GGT5: variants seen among roughly 807,000 people sequenced by gnomAD.
GGT5 encodes glutathione hydrolase 5 proenzyme.
GGT5 carries 50 observed loss-of-function variants against 58.1 expected under a neutral mutation model. The observed-to-expected ratio is 0.86, with a 90% CI of 0.69 to 1.09. The LOEUF (loss-of-function observed/expected upper bound fraction) is 1.09, where lower values mean the gene tolerates loss of function less well. GGT5 is among the 50% of genes least tolerant of loss of function. The pLI, the probability that GGT5 is intolerant of heterozygous loss-of-function variation, is 0.00. For synonymous variants in GGT5, 370 were observed against 346.1 expected (o/e 1.07, Z -0.77); for missense variants, 800 against 789.4 (o/e 1.01, Z -0.16).
intron 5 of GGT5, among the ~76,000 whole-genome samples, 172 bp from the exon 6 acceptor site, chr22:24,231,702 G>A (rs1207737854): frequency 1.3e-5 from 2 of 152,184 alleles, no homozygotes; most frequent in Non-Finnish European, 2.9e-5. Flanking sequence ...GGGGCCAGGC[G>A]TGGAGGGGTG....
At chr22:24,237,439 C>T (rs13056182) in intron 1 of GGT5, among the ~76,000 whole-genome samples, 6,780 of 152,228 alleles carry the variant, frequency 0.045, 206 homozygotes, top group South Asian at 0.083. Flanking sequence ...GACAGCATCT[C>T]ACTCTGTTGT....
intron 11 of GGT5, among the ~76,000 whole-genome samples, chr22:24,223,478 A>G (rs1414210396): frequency 6.6e-6 from 1 of 152,194 alleles, no homozygotes; most frequent in Non-Finnish European, 1.5e-5. Context: ...TCCATATCTA[A>G]GATCCCTGGA....
intron 6 of GGT5, among the ~76,000 whole-genome samples, chr22:24,228,400 C>A (rs146664662): frequency 5.1e-4 from 77 of 151,496 alleles, no homozygotes; most frequent in Non-Finnish European, 8.4e-4. Context: ...TCCAGTGCCA[C>A]CCTTATCACT....
chr22:24,228,048 C>CAAA lies in GGT5; in HGVS notation c.902-1284_902-1282dup, dbSNP rs1273239063. Reference sequence around the variant, plus strand: ...TAGTAAACAGAGCAAGACTCTGTCTCAAAAAAAAAAAAAAAAAACAAAACA... The same window carrying CAAA: ...TAGTAAACAGAGCAAGACTCTGTCTCAAAAAAAAAAAAAAAAAAAAACAAAACA... On this transcript the variant is annotated intron_variant, in intron 6 of 11. Coordinates refer to ENST00000327365, the MANE Select transcript of GGT5 (RefSeq NM_004121.5). 3.9e-3 allele frequency among the ~76,000 whole-genome samples: 86 copies of CAAA among 22,002 alleles called. 7 individuals are homozygous for CAAA. Among genetic ancestry groups the CAAA allele is most frequent in the African/African-American group, 0.011 (70 of 6,584 alleles). 14.4% of individuals were successfully genotyped at this position (22,002 alleles called of 152,430 possible). A position where few individuals can be genotyped will look rare whatever the true frequency, so the allele number is the denominator to read the frequency against.
At chr22:24,223,693 C>T (rs946520727) in intron 11 of GGT5, among the ~76,000 whole-genome samples, 1 of 150,988 alleles carries the variant, frequency 6.6e-6, no homozygotes, top group Non-Finnish European at 1.5e-5. Context: ...GACTTGAGAC[C>T]GAAGAAGTCT....
intron 1 of GGT5, among the ~76,000 whole-genome samples, chr22:24,240,015 G>A (rs571075941): frequency 3.3e-5 from 5 of 152,326 alleles, no homozygotes; most frequent in South Asian, 2.1e-4. Context: ...GAACCCAAGA[G>A]GTGGAGGTTG....
intron 1 of GGT5, among the ~76,000 whole-genome samples, chr22:24,238,975 T>G (rs2048253330): frequency 1.1e-5 from 1 of 89,006 alleles, no homozygotes; most frequent in African/African-American, 4.4e-5. Flanking sequence ...ATATAGCCCA[T>G]GACACAGTCC....
chr22:24,230,416 C>T (rs1049369474), intron 6 of GGT5, among the ~76,000 whole-genome samples: 5 of 147,618 alleles, frequency 3.4e-5, no homozygotes, highest in South Asian at 2.2e-4. Flanking sequence ...AAATCAGCGG[C>T]GTGTGGTGGC....
chr22:24,220,092 G>A lies in GGT5; in HGVS notation c.1639C>T (p.Arg547Cys), dbSNP rs141594970. The change falls in exon 12 of 12, where the codon CGT becomes TGT. Residue 547 changes from arginine to cysteine, a missense_variant. Coordinates refer to ENST00000327365, the MANE Select transcript of GGT5 (RefSeq NM_004121.5). ...GGCCTCTGGGTCTGGTTCTGGCCAC[G>A]GTCTTGGAGTCCCCTCTGCACCTCC... ...SQEVQRGLQDRGQNQTQRPFF... is the reference protein window; with the variant it reads ...SQEVQRGLQDCGQNQTQRPFF... 59 of 1,614,178 alleles carry A rather than the reference G, an allele frequency of 3.7e-5. No homozygotes were observed. The highest frequency in any genetic ancestry group is 8.9e-5 in the East Asian group (4 of 44,888).
chr22:24,232,882 G>A lies in GGT5; in HGVS notation c.537C>T (p.Val179=), dbSNP rs748882696. 6.3e-7 allele frequency: 1 copy of A among 1,585,040 alleles called. No individual in the cohort carries two copies. The highest frequency in any genetic ancestry group is 8.6e-7 in the Non-Finnish European group (1 of 1,164,798). The part of the protein sequence containing the change: ...LLRGGHVVAP[V]LSRFLHNSIL... ...TGCTGTTGTGCAGGAAACGGCTGAG[G>A]ACAGGGGCCACCACATGCCCCCCTC... The change falls in exon 4 of 12, where the codon GTC becomes GTT. Residue 179 remains valine (V), a synonymous_variant. Coordinates refer to ENST00000327365, the MANE Select transcript of GGT5 (RefSeq NM_004121.5).
At chr22:24,240,394 A>T (rs2048295897) in intron 1 of GGT5, among the ~76,000 whole-genome samples, 3 of 152,222 alleles carry the variant, frequency 2.0e-5, no homozygotes, top group Non-Finnish European at 2.9e-5. Context: ...AGTAATTGGA[A>T]ATAAAGTAAA....
chr22:24,239,066 G>A lies in GGT5; in HGVS notation c.174-5062C>T, dbSNP rs7290701. Among the ~76,000 whole-genome samples the A allele has an allele frequency of 4.8e-3, 694 of 144,160 alleles. 6 individuals are homozygous for A. The highest frequency in any genetic ancestry group is 0.021 in the Middle Eastern group (6 of 286). 94.6% of individuals were successfully genotyped at this position (144,160 alleles called of 152,430 possible). A position where few individuals can be genotyped will look rare whatever the true frequency, so the allele number is the denominator to read the frequency against. On this transcript the variant is annotated intron_variant, in intron 1 of 11. Coordinates refer to ENST00000327365, the MANE Select transcript of GGT5 (RefSeq NM_004121.5). Reference sequence around the variant, plus strand: ...AAATAAAAATAAAGGGTGGCCAGGCGTGGTGGCTCACGCCTGTAATCCCAG... The same window carrying A: ...AAATAAAAATAAAGGGTGGCCAGGCATGGTGGCTCACGCCTGTAATCCCAG...
At chr22:24,235,705 G>A (rs1019776983) in intron 1 of GGT5, among the ~76,000 whole-genome samples, 1 of 152,106 alleles carries the variant, frequency 6.6e-6, no homozygotes, top group African/African-American at 2.4e-5. Flanking sequence ...TGACAAACTG[G>A]GGGAAAAAAC....
Position 24,233,907 on chromosome 22 carries a change from C to T in GGT5, c.271G>A (p.Gly91Arg), listed in dbSNP as rs2048024561. 6.2e-7 allele frequency: 1 copy of T among 1,613,862 alleles called. No individual in the cohort carries two copies. Among genetic ancestry groups the T allele is most frequent in the African/African-American group, 1.3e-5 (1 of 75,028 alleles). ...ACATTGTAGATGGTGAAGATGACCC[C>T]TCCGCCCAGGCCCATGCTCTGAGGG... is the stretch of plus-strand genomic sequence containing the variant. ...VNPQSMGLGG[G>R]VIFTIYNVTT... The change falls in exon 2 of 12, where the codon GGG becomes AGG. Residue 91 changes from glycine (G) to arginine (R), a missense_variant. Gly to Arg is a moderately radical substitution (Grantham distance 125). Transcript: ENST00000327365.
chr22:24,225,471 C>A lies in GGT5; in HGVS notation c.1337-60G>T. ...ACCCATCCAGGGGTTAGCATGCAAC[C>A]CCAGCCCAGCCCCCTCCCTCCTCTC... On this transcript the variant is annotated intron_variant, in intron 9 of 11. Transcript: ENST00000327365. 3 of 1,599,502 alleles carry A rather than the reference C, an allele frequency of 1.9e-6. No individual in the cohort carries two copies. In the South Asian group the frequency reaches 3.3e-5, roughly 18 times the overall value.
intron 6 of GGT5, among the ~76,000 whole-genome samples, chr22:24,230,915 T>C (rs997531642): frequency 6.6e-6 from 1 of 152,214 alleles, no homozygotes; most frequent in Non-Finnish European, 1.5e-5. Context: ...TCTGTTATTT[T>C]AAGCCACCAA....
chr22:24,239,304 A>C (rs1309901341), intron 1 of GGT5, among the ~76,000 whole-genome samples: 1 of 151,564 alleles, frequency 6.6e-6, no homozygotes, highest in Non-Finnish European at 1.5e-5. Flanking sequence ...GTGCCACTGC[A>C]CTCCAGCCTG....
At chr22:24,231,976 G>T in intron 5 of GGT5, 75 bp downstream of exon 5, 1 of 1,276,028 alleles carries the variant, frequency 7.8e-7, no homozygotes, top group Non-Finnish European at 1.1e-6. Context: ...GAAGGAGCCT[G>T]CCCTCAACCC....
chr22:24,226,546 C>T, intron 7 of GGT5, 85 bp downstream of exon 7: 1 of 1,429,980 alleles, frequency 7.0e-7, no homozygotes, highest in Non-Finnish European at 9.7e-7. Flanking sequence ...CAACTTCCCC[C>T]TACCAGGCCT....
Sources: allele counts gnomAD v4.1 joint callset (sites outside exome capture counted in the v4.1 genomes callset), GRCh38; gene constraint gnomAD v4.1.1; transcripts MANE v1.5; gene names NCBI Gene and HGNC (gene_info 2026-07-23, HGNC 2026-07-21).